The following URGCP variants were observed in gnomAD, a reference collection of about 807,000 sequenced individuals.
URGCP encodes up-regulator of cell proliferation.
URGCP carries 13 observed loss-of-function variants against 24.6 expected under a neutral mutation model. The ratio of observed to expected loss-of-function variants is 0.53; its 90% confidence interval spans 0.34 to 0.84. URGCP has a LOEUF of 0.84. Among genes scored for constraint, URGCP ranks in the 40% least tolerant of loss-of-function variants. The pLI, the probability that URGCP is intolerant of heterozygous loss-of-function variation, is 0.01. For synonymous variants in URGCP, 444 were observed against 487.2 expected (o/e 0.91, Z 1.17); for missense variants, 899 against 1,194.3 (o/e 0.75, Z 3.64).
At chr7:43,924,667 G>T (rs1307549346) in intron 1 of URGCP, among the ~76,000 whole-genome samples, 1 of 152,196 alleles carries the variant, frequency 6.6e-6, no homozygotes, top group Non-Finnish European at 1.5e-5. Flanking sequence ...GCTGGCTTTG[G>T]AAGGTGAATG....
chr7:43,883,670 A>G (rs1030265579), intron 3 of URGCP, among the ~76,000 whole-genome samples: 1 of 152,054 alleles, frequency 6.6e-6, no homozygotes, highest in Non-Finnish European at 1.5e-5. Flanking sequence ...CCCAAAATTT[A>G]TATTTTTAAG....
intron 1 of URGCP, among the ~76,000 whole-genome samples, chr7:43,914,113 C>G (rs1243799827): frequency 1.3e-5 from 2 of 152,230 alleles, no homozygotes; most frequent in African/African-American, 4.8e-5. Context: ...TTGGCCTCAG[C>G]TCCCTAAGTA....
intron 1 of URGCP, among the ~76,000 whole-genome samples, chr7:43,922,178 C>T (rs905234851): frequency 6.6e-6 from 1 of 152,132 alleles, no homozygotes; most frequent in African/African-American, 2.4e-5. Flanking sequence ...GATTCTGCCT[C>T]AGCCTCCCGA....
rs757642113 is a variant in URGCP, at chr7:43,878,442, T to A, written c.1021A>T (p.Ile341Phe). Residue 341 changes from isoleucine to phenylalanine, a missense_variant, in exon 6 of 6, where the codon ATC becomes TTC. By Grantham distance (21) the Ile-to-Phe change is conservative. Coordinates refer to ENST00000453200, the MANE Select transcript of URGCP (RefSeq NM_001077663.3). The surrounding 1 kb of genome is among the most constrained non-coding windows in gnomAD (Gnocchi z 5.6). The part of the protein sequence containing the change: ...PVAFLNLRGD[I>F]GSHWLQFKLL... ...TTAAACTGCAGCCAGTGAGACCCGA[T>A]GTCACCTCTCAGGTTCAGAAAGGCC... The A allele has an allele frequency of 6.2e-7, 1 of 1,614,186 alleles. No homozygotes were observed.
At chr7:43,884,863 TTGAG>T (rs1404045277) in intron 3 of URGCP, among the ~76,000 whole-genome samples, 2 of 151,734 alleles carry the variant, frequency 1.3e-5, no homozygotes, top group African/African-American at 2.4e-5. Flanking sequence ...ATCTTCAGAG[TTGAG>T]TAAGATAAAT....
At chr7:43,926,187 G>C (rs1415064013) in exon 1 of URGCP, 1 of 170,086 alleles carries the variant, frequency 5.9e-6, no homozygotes, top group Non-Finnish European at 1.3e-5. Context: ...AGACGCCCAG[G>C]ATGTAGGAAC....
chr7:43,905,438 C>T (rs1002281172), intron 1 of URGCP, among the ~76,000 whole-genome samples: 1 of 152,140 alleles, frequency 6.6e-6, no homozygotes, highest in Non-Finnish European at 1.5e-5. Flanking sequence ...CGGAAATGAC[C>T]ACTGCCCCAA....
chr7:43,883,453 C>T (rs1429443701), intron 3 of URGCP, among the ~76,000 whole-genome samples: 1 of 150,000 alleles, frequency 6.7e-6, no homozygotes, highest in Non-Finnish European at 1.5e-5. Context: ...CTCTGCCTCC[C>T]GGATTCATGC....
exon 1 of URGCP, chr7:43,926,161 A>AT (rs1194729679): frequency 6.2e-6 from 1 of 161,082 alleles, no homozygotes; most frequent in African/African-American, 2.4e-5. Flanking sequence ...CTCAGGAGTT[A>AT]TATGACAGCC....
chr7:43,910,877 G>C (rs1315815083), upstream of URGCP: 1 of 151,768 alleles, frequency 6.6e-6, no homozygotes, highest in East Asian at 1.9e-4. Flanking sequence ...TAAATAAAAA[G>C]AACATTACAT....
At chr7:43,900,098 T>C (rs2095887177) in intron 1 of URGCP, among the ~76,000 whole-genome samples, 1 of 151,840 alleles carries the variant, frequency 6.6e-6, no homozygotes, top group Admixed American at 6.6e-5. Context: ...CGAGCCATGT[T>C]GTTGCCATTG....
rs1315381969 is a variant in URGCP, at chr7:43,919,245, C to T, written c.-116+6887G>A. 2.0e-5 allele frequency: 17 copies of T among 833,234 alleles called. No homozygotes were observed. The East Asian group carries it at 4.1e-4, about 20-fold the overall frequency. 51.6% of individuals were successfully genotyped at this position (833,234 alleles called of 1,614,324 possible). A position where few individuals can be genotyped will look rare whatever the true frequency, so the allele number is the denominator to read the frequency against. ...GGACAAGATGAGCAACGTGGTGGTCCAGCTTTATAATTCACTCCTCACACT... is the reference window on the plus strand; with the variant it reads ...GGACAAGATGAGCAACGTGGTGGTCTAGCTTTATAATTCACTCCTCACACT... On this transcript the variant is annotated intron_variant, in intron 1 of 5. Transcript: ENST00000426198.
At chr7:43,921,351 A>T (rs539059927) in intron 1 of URGCP, among the ~76,000 whole-genome samples, 48 of 152,014 alleles carry the variant, frequency 3.2e-4, no homozygotes, top group Non-Finnish European at 6.8e-4. Flanking sequence ...AAAAAGAGAG[A>T]GGTCTAATTA....
intron 1 of URGCP, among the ~76,000 whole-genome samples, chr7:43,897,286 G>T (rs2095880305): frequency 6.6e-6 from 1 of 152,234 alleles, no homozygotes; most frequent in South Asian, 2.1e-4. Context: ...CAAGGCACAG[G>T]CCAAGGTCAG....
chr7:43,883,505 C>T (rs1426373227), intron 3 of URGCP, among the ~76,000 whole-genome samples: 2 of 151,102 alleles, frequency 1.3e-5, no homozygotes, highest in South Asian at 2.1e-4. Flanking sequence ...GGACTACAGG[C>T]GCCCGCCACC....
chr7:43,918,863 C>T (rs985865101), intron 1 of URGCP: 23 of 1,391,546 alleles, frequency 1.7e-5, no homozygotes, highest in Non-Finnish European at 1.9e-5. Context: ...ACCAGGCAGA[C>T]GATGAGCACT....
chr7:43,877,669 G>T lies in URGCP; in HGVS notation c.1794C>A (p.Gly598=). ...TLLTLRPKHG[G]TTDVGEPLWP... is the part of the protein sequence containing the mutation. ...AGAGCGGCTCCCCCACGTCTGTGGT[G>T]CCCCCATGCTTTGGTCTCAGGGTGA... Residue 598 remains glycine, a synonymous_variant, in exon 6 of 6, where the codon GGC becomes GGA. Transcript: ENST00000453200. 1 of 1,614,038 alleles carries T rather than the reference G, an allele frequency of 6.2e-7. No individual in the cohort carries two copies. The highest frequency in any genetic ancestry group is 8.5e-7 in the Non-Finnish European group (1 of 1,180,024).
chr7:43,920,777 G>A (rs936608830), intron 1 of URGCP, among the ~76,000 whole-genome samples: 4 of 151,996 alleles, frequency 2.6e-5, no homozygotes, highest in African/African-American at 9.7e-5. Flanking sequence ...TGCCATTTTG[G>A]GAAAAACCTC....
At chr7:43,926,410 G>A (rs2132740368) in exon 1 of URGCP, 4 of 855,716 alleles carry the variant, frequency 4.7e-6, no homozygotes, top group Non-Finnish European at 1.5e-6. Flanking sequence ...CGGCCCCACA[G>A]TGCCCCGCGC....
Sources: allele counts gnomAD v4.1 joint callset (sites outside exome capture counted in the v4.1 genomes callset), GRCh38; gene constraint gnomAD v4.1.1; non-coding constraint Gnocchi (gnomAD v3.1); transcripts MANE v1.5; gene names NCBI Gene and HGNC (gene_info 2026-07-23, HGNC 2026-07-21).